PLCG2: variants seen among roughly 807,000 people sequenced by gnomAD.
PLCG2 encodes 1-phosphatidylinositol 4,5-bisphosphate phosphodiesterase gamma-2.
A neutral mutation model predicts 175.6 loss-of-function variants in PLCG2; 69 were observed. The observed-to-expected ratio is 0.39, with a 90% CI of 0.32 to 0.48. PLCG2 has a LOEUF of 0.48. Ranked by LOEUF, PLCG2 falls within the 20% of genes least tolerant of loss-of-function variation. The pLI is 0.91. For missense variants in PLCG2, 1,798 were observed against 1,650.9 expected (o/e 1.09, Z -1.54); for synonymous variants, 827 against 624.0 (o/e 1.33, Z -4.85).
intron 2 of PLCG2, among the ~76,000 whole-genome samples, chr16:81,808,225 G>A (rs1485158349): frequency 6.6e-6 from 1 of 152,164 alleles, no homozygotes; most frequent in Non-Finnish European, 1.5e-5. Context: ...AACCTTTTGA[G>A]GCACCACCAG....
intron 9 of PLCG2, among the ~76,000 whole-genome samples, chr16:81,884,219 T>G (rs906327728): frequency 4.0e-4 from 61 of 152,162 alleles, no homozygotes; most frequent in African/African-American, 1.5e-3. Context: ...GGCATTGTGG[T>G]GGGTGCCTGT....
At chr16:81,883,940 A>G (rs1597106093) in intron 9 of PLCG2, among the ~76,000 whole-genome samples, 1 of 152,194 alleles carries the variant, frequency 6.6e-6, no homozygotes, top group Non-Finnish European at 1.5e-5. Flanking sequence ...CAGTGTCCAG[A>G]GACGACATGG....
chr16:81,795,587 ATCCTTTG>A (rs776014462), intron 2 of PLCG2, among the ~76,000 whole-genome samples: 1 of 152,114 alleles, frequency 6.6e-6, no homozygotes, highest in Non-Finnish European at 1.5e-5. Flanking sequence ...CTACCGCAGG[ATCCTTTG>A]TGTGACCACT....
At chr16:81,951,616 C>G (rs918041756) in intron 31 of PLCG2, among the ~76,000 whole-genome samples, 1 of 152,120 alleles carries the variant, frequency 6.6e-6, no homozygotes, top group Non-Finnish European at 1.5e-5. Flanking sequence ...GATAGTACTC[C>G]TAGCTTTCCC....
chr16:81,824,091 G>T (rs796439441), intron 2 of PLCG2, among the ~76,000 whole-genome samples: 32 of 81,676 alleles, frequency 3.9e-4, no homozygotes, highest in African/African-American at 1.3e-3. Context: ...GTCCTGTCCT[G>T]TCCTTTCCTT....
At chr16:81,759,715 T>A (rs1909998866) in intron 2 of PLCG2, among the ~76,000 whole-genome samples, 1 of 152,276 alleles carries the variant, frequency 6.6e-6, no homozygotes, top group East Asian at 1.9e-4. Flanking sequence ...ATAGCTTGTA[T>A]ATATGGACAT....
chr16:81,808,042 T>C (rs369383473), intron 2 of PLCG2, among the ~76,000 whole-genome samples: 1 of 152,264 alleles, frequency 6.6e-6, no homozygotes, highest in African/African-American at 2.4e-5. Context: ...GAGACAGATA[T>C]GCAAACAATA....
chr16:81,895,275 T>C (rs896823171), intron 12 of PLCG2, among the ~76,000 whole-genome samples: 4 of 152,146 alleles, frequency 2.6e-5, no homozygotes, highest in African/African-American at 4.8e-5. Context: ...AAAAGAAGCA[T>C]TGAGGTTGGG....
At chr16:81,796,921 C>T (rs1021130274) in intron 2 of PLCG2, among the ~76,000 whole-genome samples, 1 of 152,190 alleles carries the variant, frequency 6.6e-6, no homozygotes, top group African/African-American at 2.4e-5. Context: ...AATACACTCT[C>T]ATGTAACAGG....
At chr16:81,919,814 C>T (rs1478240643) in intron 20 of PLCG2, 150 bp downstream of exon 20, 2 of 642,178 alleles carry the variant, frequency 3.1e-6, no homozygotes, top group Admixed American at 2.9e-5. Flanking sequence ...AACAAAGACC[C>T]TGCCGTTGTG....
At chr16:81,863,040 A>T (rs973352174) in intron 5 of PLCG2, among the ~76,000 whole-genome samples, 2 of 152,370 alleles carry the variant, frequency 1.3e-5, no homozygotes, top group East Asian at 3.9e-4. Flanking sequence ...TGTGGTAACA[A>T]CAATGAAACA....
chr16:81,852,217 C>T (rs771836405), intron 2 of PLCG2: 4 of 152,206 alleles, frequency 2.6e-5, no homozygotes, highest in African/African-American at 4.8e-5. Flanking sequence ...TGGGAGCAGC[C>T]GTGGAGGGGA....
chr16:81,782,760 CT>C (rs1910795153), intron 1 of PLCG2, among the ~76,000 whole-genome samples: 1 of 152,224 alleles, frequency 6.6e-6, no homozygotes, highest in Non-Finnish European at 1.5e-5. Flanking sequence ...CAAAACGATT[CT>C]GTTAAAATGG....
At chr16:81,801,085 A>G (rs1911698340) in intron 2 of PLCG2, among the ~76,000 whole-genome samples, 1 of 152,174 alleles carries the variant, frequency 6.6e-6, no homozygotes, top group African/African-American at 2.4e-5. Flanking sequence ...GAGACTCATG[A>G]CTTTTGCTCG....
At chr16:81,943,532 AT>A (rs1911036497) in intron 30 of PLCG2, among the ~76,000 whole-genome samples, 2 of 152,212 alleles carry the variant, frequency 1.3e-5, no homozygotes, top group South Asian at 4.2e-4. Flanking sequence ...TCAACATGAG[AT>A]TTGGGTGGGG....
intron 2 of PLCG2, among the ~76,000 whole-genome samples, chr16:81,786,570 C>G (rs1472751966): frequency 6.6e-6 from 1 of 152,156 alleles, no homozygotes; most frequent in East Asian, 1.9e-4. Flanking sequence ...GCTTGGTCGC[C>G]AAATGCTACC....
chr16:81,841,861 C>T (rs369887689), intron 2 of PLCG2, among the ~76,000 whole-genome samples: 2 of 152,188 alleles, frequency 1.3e-5, no homozygotes, highest in Non-Finnish European at 2.9e-5. Flanking sequence ...TTTCTTAAAG[C>T]AGGGTCCTTG....
Position 81,891,323 on chromosome 16 carries a change from G to C in PLCG2, c.868-149G>C, listed in dbSNP as rs1908620658. 3 of 638,894 alleles carry C rather than the reference G, an allele frequency of 4.7e-6. No homozygotes were observed. In the South Asian group the frequency reaches 5.4e-5, roughly 11 times the overall value. 39.6% of individuals were successfully genotyped at this position (638,894 alleles called of 1,614,324 possible). ...CATTGCAGCCTGAGCCTTCGGTATT[G>C]AAAACGTGGGTAACTGAGGTCTGGA... On this transcript the variant is annotated intron_variant, in intron 10 of 32. Transcript: ENST00000564138.
chr16:81,805,885 C>G (rs911723387), intron 2 of PLCG2, among the ~76,000 whole-genome samples: 3 of 149,478 alleles, frequency 2.0e-5, no homozygotes, highest in Non-Finnish European at 4.4e-5. Context: ...AGTGATCCTC[C>G]CAGCTCAGCC....
Sources: allele counts gnomAD v4.1 joint callset (sites outside exome capture counted in the v4.1 genomes callset), GRCh38; gene constraint gnomAD v4.1.1; transcripts MANE v1.5; gene names NCBI Gene and HGNC (gene_info 2026-07-23, HGNC 2026-07-21).